SEMA3C: variants seen among roughly 807,000 people sequenced by gnomAD.
SEMA3C encodes the protein semaphorin-3C.
A neutral mutation model predicts 89.4 loss-of-function variants in SEMA3C; 47 were observed. The ratio of observed to expected loss-of-function variants is 0.53; its 90% CI spans 0.42 to 0.67. SEMA3C has a LOEUF of 0.67. Ranked by LOEUF, SEMA3C falls within the 30% of genes least tolerant of loss-of-function variation. The pLI is 0.00. For synonymous variants in SEMA3C, 310 were observed against 320.2 expected, an observed-to-expected ratio of 0.97 and a Z score of 0.34; for missense variants, 839 against 929.1, an observed-to-expected ratio of 0.90 and a Z score of 1.26.
At chr7:80,850,304 A>C (rs1331154959) in intron 2 of SEMA3C, among the ~76,000 whole-genome samples, 2 of 152,202 alleles carry the variant, frequency 1.3e-5, no homozygotes, top group Non-Finnish European at 2.9e-5. Flanking sequence ...CTAGTTATAT[A>C]CCAAAAGATG....
intron 17 of SEMA3C, among the ~76,000 whole-genome samples, chr7:80,748,575 C>T (rs560404244): frequency 7.9e-5 from 12 of 152,164 alleles, no homozygotes; most frequent in African/African-American, 2.6e-4. Flanking sequence ...ACAAAGGTGC[C>T]GTTGTGTGAA....
At chr7:80,854,026 T>C (rs972751031) in intron 2 of SEMA3C, among the ~76,000 whole-genome samples, 2 of 152,172 alleles carry the variant, frequency 1.3e-5, no homozygotes, top group Non-Finnish European at 1.5e-5. Flanking sequence ...GTTATTGTTA[T>C]AAGCTCCATA....
In SEMA3C at chr7:80,795,731, G is replaced by A. The variant is rs543356998; in HGVS notation, c.1131+2361C>T. On this transcript the variant is annotated intron_variant, in intron 11 of 17. Transcript: ENST00000265361. ...CTCTGAGTTCTATACACCTGTTAAG[G>A]TGCCTTTTAAGTTGTCACGTGGGTG... 2.0e-5 allele frequency among the ~76,000 whole-genome samples: 3 copies of A among 152,280 alleles called. No individual in the cohort carries two copies. In the East Asian group the frequency reaches 5.8e-4, roughly 29 times the overall value.
chr7:80,899,327 C>T (rs1466566162), intron 2 of SEMA3C, among the ~76,000 whole-genome samples: 2 of 152,202 alleles, frequency 1.3e-5, no homozygotes, highest in Admixed American at 6.5e-5. Flanking sequence ...AGGTGTGAGC[C>T]ACTGTGCTCG....
At chr7:80,799,197 A>G (rs1789138950) in intron 10 of SEMA3C, among the ~76,000 whole-genome samples, 1 of 152,182 alleles carries the variant, frequency 6.6e-6, no homozygotes, top group Admixed American at 6.5e-5. Context: ...CTTGTGGGGC[A>G]ACTGCAAATA....
chr7:80,744,880 C>A lies in SEMA3C; in HGVS notation c.*14G>T. 1 of 1,613,532 alleles carries A rather than the reference C, an allele frequency of 6.2e-7. No individual in the cohort carries two copies. The highest frequency in any genetic ancestry group is 8.5e-7 in the Non-Finnish European group (1 of 1,179,584). ...CATTTGTTAATGGAAGCATAAGACCCACATAAGAAAATATTATGACTCTGG... is the reference window on the plus strand; with the variant it reads ...CATTTGTTAATGGAAGCATAAGACCAACATAAGAAAATATTATGACTCTGG... On this transcript the variant is annotated 3_prime_UTR_variant, in exon 18 of 18. Coordinates refer to ENST00000265361, the MANE Select transcript of SEMA3C (RefSeq NM_006379.5).
intron 14 of SEMA3C, among the ~76,000 whole-genome samples, chr7:80,760,824 A>C (rs968798301): frequency 1.3e-5 from 2 of 152,316 alleles, no homozygotes; most frequent in Admixed American, 1.3e-4. Context: ...GTGAAGTTAC[A>C]TGATTTGTTT....
At chr7:80,797,690 G>C (rs1010176324) in intron 11 of SEMA3C, among the ~76,000 whole-genome samples, 4 of 152,042 alleles carry the variant, frequency 2.6e-5, no homozygotes, top group Non-Finnish European at 4.4e-5. Flanking sequence ...TTCTCACATG[G>C]TTATTCCTTA....
chr7:80,825,604 A>G (rs541245907), intron 4 of SEMA3C, among the ~76,000 whole-genome samples: 3 of 152,332 alleles, frequency 2.0e-5, no homozygotes, highest in Admixed American at 2.0e-4. Context: ...GAAACTCGGC[A>G]GCAATTTTTG....
rs570697773 is a variant in SEMA3C, at chr7:80,779,690, T to C, written c.1354+9616A>G. Among the ~76,000 whole-genome samples, 176 of 152,322 alleles carry C rather than the reference T, an allele frequency of 1.2e-3. 1 individual carries two copies. Among genetic ancestry groups the C allele is most frequent in the African/African-American group, 4.1e-3 (170 of 41,582 alleles). On this transcript the variant is annotated intron_variant, in intron 12 of 17. Transcript: ENST00000265361. The stretch of plus-strand genomic sequence containing the variant: ...TGACACACTCTTAGGTGACCCTTAA[T>C]GAGTCATGCTCTTGTATAACTCCTC...
At chr7:80,809,233 A>G (rs1362940564) in intron 6 of SEMA3C, among the ~76,000 whole-genome samples, 1 of 152,210 alleles carries the variant, frequency 6.6e-6, no homozygotes, top group Non-Finnish European at 1.5e-5. Context: ...GTAAAGTGAA[A>G]AAATGAAAAA....
chr7:80,763,707 CTA>C (rs1339636835), intron 13 of SEMA3C, among the ~76,000 whole-genome samples: 1 of 152,224 alleles, frequency 6.6e-6, no homozygotes, highest in South Asian at 2.1e-4. Context: ...TGAAGTGCTG[CTA>C]TATGACATTT....
chr7:80,805,123 T>C (rs1276910555), intron 7 of SEMA3C, among the ~76,000 whole-genome samples: 1 of 152,102 alleles, frequency 6.6e-6, no homozygotes, highest in Admixed American at 6.6e-5. Context: ...TTCCTATGAT[T>C]TCTACTGAAT....
At chr7:80,754,957 G>GTTTTTGTTTTTTTTTTT (rs1788025443) in intron 15 of SEMA3C, among the ~76,000 whole-genome samples, 1 of 108,368 alleles carries the variant, frequency 9.2e-6, no homozygotes, top group Non-Finnish European at 1.9e-5. Context: ...GTTTTTTTTT[G>GTTTTTGTTTTTTTTTTT]TTTTTTTTTT....
intron 15 of SEMA3C, 43 bp from the exon 16 acceptor site, chr7:80,751,379 TG>T (rs770073238): frequency 3.8e-5 from 58 of 1,509,230 alleles, no homozygotes; most frequent in Admixed American, 6.7e-5. Flanking sequence ...GAATTATCAC[TG>T]CCAATTACAC....
intron 2 of SEMA3C, among the ~76,000 whole-genome samples, chr7:80,890,900 G>A (rs1791595680): frequency 6.6e-6 from 1 of 152,030 alleles, no homozygotes; most frequent in Admixed American, 6.6e-5. Flanking sequence ...TTGTTTCTTT[G>A]AGAAGCATAT....
At position 80,818,081 on chromosome 7, in the gene SEMA3C, T is replaced by C. The variant is rs1384058795; in HGVS notation, c.447+218A>G. Among the ~76,000 whole-genome samples, 4 of 146,274 alleles carry C rather than the reference T, an allele frequency of 2.7e-5. No homozygotes were observed. In the East Asian group the frequency reaches 8.2e-4, roughly 30 times the overall value. ...ATACACACACACACACACACACACA[T>C]ATAATACACATAAAAATATATATAC... On this transcript the variant is annotated intron_variant, in intron 5 of 17. Coordinates refer to ENST00000265361, the MANE Select transcript of SEMA3C (RefSeq NM_006379.5).
upstream of SEMA3C, among the ~76,000 whole-genome samples, chr7:80,919,632 G>GGAGT (rs1156392813): frequency 2.0e-5 from 3 of 151,580 alleles, no homozygotes; most frequent in Non-Finnish European, 4.4e-5. Context: ...TCGCCAGGCT[G>GGAGT]GAGTGCAGTG....
chr7:80,747,335 T>G (rs1210157172), intron 17 of SEMA3C, among the ~76,000 whole-genome samples: 2 of 152,264 alleles, frequency 1.3e-5, no homozygotes, highest in South Asian at 4.1e-4. Flanking sequence ...ATGGCAGATA[T>G]TCAAACATAT....
Sources: allele counts gnomAD v4.1 joint callset (sites outside exome capture counted in the v4.1 genomes callset), GRCh38; gene constraint gnomAD v4.1.1; transcripts MANE v1.5; gene names NCBI Gene and HGNC (gene_info 2026-07-23, HGNC 2026-07-21).